Variants in FNBP1 observed in about 807,000 individuals in gnomAD.
The protein encoded by FNBP1 is formin-binding protein 1.
In FNBP1, 26 loss-of-function variants were observed where a neutral mutation model predicts 90.6. The observed-to-expected ratio is 0.29, with a 90% CI of 0.21 to 0.40. FNBP1 has a LOEUF of 0.40. Ranked by LOEUF, FNBP1 falls within the 10% of genes least tolerant of loss-of-function variation. The pLI, the probability that FNBP1 is intolerant of heterozygous loss-of-function variation, is 1.00. For synonymous variants in FNBP1, 260 were observed against 265.2 expected (o/e 0.98, Z 0.19); for missense variants, 635 against 768.0 (o/e 0.83, Z 2.05).
intron 4 of FNBP1, among the ~76,000 whole-genome samples, chr9:129,969,558 ATT>A (rs1417366100): frequency 6.6e-6 from 1 of 152,130 alleles, no homozygotes; most frequent in Non-Finnish European, 1.5e-5. Context: ...AATTCCAAAT[ATT>A]TTTCTTTCTT....
intron 12 of FNBP1, among the ~76,000 whole-genome samples, chr9:129,904,607 T>C (rs1337573676): frequency 6.6e-6 from 1 of 152,174 alleles, no homozygotes; most frequent in African/African-American, 2.4e-5. Flanking sequence ...GGAAGAGAGC[T>C]TCTACAAGTC....
chr9:129,924,840 A>G (rs2041637556), intron 9 of FNBP1, 120 bp downstream of exon 9: 4 of 851,020 alleles, frequency 4.7e-6, no homozygotes, highest in Non-Finnish European at 7.2e-6. Context: ...AAGGTAGCAC[A>G]CTAGCTTCTT....
intron 7 of FNBP1, among the ~76,000 whole-genome samples, chr9:129,929,118 CA>C (rs1348574219): frequency 6.8e-6 from 1 of 147,424 alleles, no homozygotes; most frequent in East Asian, 2.0e-4. Context: ...CAAAACAAAA[CA>C]AAAAAAAGGG....
intron 2 of FNBP1, among the ~76,000 whole-genome samples, chr9:129,991,659 C>CTT (rs199704427): frequency 7.2e-6 from 1 of 138,918 alleles, no homozygotes. Context: ...TAGACATTTC[C>CTT]TTTTTTTTTT....
chr9:130,004,307 C>A (rs1243880045), intron 1 of FNBP1, among the ~76,000 whole-genome samples: 2 of 152,050 alleles, frequency 1.3e-5, no homozygotes, highest in African/African-American at 4.8e-5. Context: ...TTCAAAATCC[C>A]TGGAATAAGC....
chr9:130,036,032 G>GT (rs1229485994), intron 1 of FNBP1, among the ~76,000 whole-genome samples: 3 of 151,484 alleles, frequency 2.0e-5, no homozygotes, highest in South Asian at 4.2e-4. Context: ...AAAAAAAAAA[G>GT]TTTTTTTAAC....
intron 10 of FNBP1, among the ~76,000 whole-genome samples, chr9:129,918,062 C>G (rs181813446): frequency 6.6e-6 from 1 of 152,194 alleles, no homozygotes; most frequent in Non-Finnish European, 1.5e-5. Flanking sequence ...ACTTTCTTTA[C>G]GCAAAGTTAT....
At chr9:129,891,833 C>T (rs887638078) in intron 16 of FNBP1, among the ~76,000 whole-genome samples, 1 of 152,094 alleles carries the variant, frequency 6.6e-6, no homozygotes, top group South Asian at 2.1e-4. Context: ...ATTCATATTA[C>T]ACAGAATAAT....
chr9:129,896,023 A>G, intron 15 of FNBP1, 27 bp from the exon 16 acceptor site: 1 of 1,577,938 alleles, frequency 6.3e-7, no homozygotes, highest in South Asian at 1.2e-5. Context: ...AGGATATGTT[A>G]GATGTCTTGG....
At chr9:129,915,777 G>A (rs1259138360) in intron 11 of FNBP1, among the ~76,000 whole-genome samples, 189 bp downstream of exon 11, 1 of 152,192 alleles carries the variant, frequency 6.6e-6, no homozygotes, top group Non-Finnish European at 1.5e-5. Flanking sequence ...AAAAGATTAA[G>A]ATCACCTCTA....
At chr9:129,990,934 T>A (rs2131212719) in intron 2 of FNBP1, among the ~76,000 whole-genome samples, 1 of 143,512 alleles carries the variant, frequency 7.0e-6, no homozygotes, top group South Asian at 2.2e-4. Context: ...ACACCAGGGT[T>A]TTTTTTTTTT....
intron 6 of FNBP1, among the ~76,000 whole-genome samples, chr9:129,942,429 C>A (rs1233522450): frequency 1.3e-5 from 2 of 152,182 alleles, no homozygotes; most frequent in Admixed American, 1.3e-4. Context: ...TTTATTGGGT[C>A]CTGATACTGA....
intron 4 of FNBP1, among the ~76,000 whole-genome samples, chr9:129,972,695 A>T (rs995578255): frequency 3.3e-5 from 5 of 151,728 alleles, no homozygotes; most frequent in African/African-American, 1.2e-4. Flanking sequence ...CTGTGCCTGG[A>T]TAGTTTTTGT....
At chr9:130,036,849 T>C (rs533525655) in intron 1 of FNBP1, among the ~76,000 whole-genome samples, 2 of 151,582 alleles carry the variant, frequency 1.3e-5, no homozygotes, top group East Asian at 3.9e-4. Context: ...ATCGAGACCA[T>C]CCTGGCTAAC....
intron 9 of FNBP1, 109 bp from the exon 10 acceptor site, chr9:129,924,135 A>G: frequency 8.7e-7 from 1 of 1,144,694 alleles, no homozygotes; most frequent in Non-Finnish European, 1.2e-6. Flanking sequence ...TAAAACACAA[A>G]CAATTAAATT....
chr9:129,934,429 T>G lies in FNBP1; in HGVS notation c.514-4734A>C, dbSNP rs965533406. Among the ~76,000 whole-genome samples the G allele has an allele frequency of 1.2e-4, 19 of 152,246 alleles. No homozygotes were observed. The Middle Eastern group carries it at 0.01, about 82-fold the overall frequency. ...TGCCTAGGCTGGGTCACAGACGTCT[T>G]AGAATCAGATCTACGCTGCTTTTGT... On this transcript the variant is annotated intron_variant, in intron 6 of 16. Coordinates refer to ENST00000446176, the MANE Select transcript of FNBP1 (RefSeq NM_015033.3).
At chr9:130,004,475 T>C in intron 1 of FNBP1, among the ~76,000 whole-genome samples, 1 of 152,192 alleles carries the variant, frequency 6.6e-6, no homozygotes, top group East Asian at 1.9e-4. Flanking sequence ...CTACTGAGAC[T>C]ACTTTGGTCT....
chr9:129,893,914 C>CAAAAA (rs34164874), intron 16 of FNBP1, among the ~76,000 whole-genome samples: 3 of 115,820 alleles, frequency 2.6e-5, no homozygotes, highest in Non-Finnish European at 3.5e-5. Context: ...GACTCCATCT[C>CAAAAA]AAAAAAAAAA....
intron 4 of FNBP1, among the ~76,000 whole-genome samples, chr9:129,965,644 A>G (rs2048434991): frequency 1.3e-5 from 2 of 151,852 alleles, no homozygotes; most frequent in African/African-American, 4.8e-5. Flanking sequence ...GGAGTTTGAG[A>G]CCAGCCTGGG....
Sources: allele counts gnomAD v4.1 joint callset (sites outside exome capture counted in the v4.1 genomes callset), GRCh38; gene constraint gnomAD v4.1.1; transcripts MANE v1.5; gene names NCBI Gene and HGNC (gene_info 2026-07-23, HGNC 2026-07-21).